Variants in F5 observed in about 807,000 individuals in gnomAD.
F5 encodes coagulation factor V.
Under a neutral mutation model 216.4 loss-of-function variants are expected in F5, and 138 were observed. The observed-to-expected ratio is 0.64, with a 90% CI of 0.56 to 0.73. The LOEUF (loss-of-function observed/expected upper bound fraction) is 0.73, where lower values mean the gene tolerates loss of function less well. Among genes scored for constraint, F5 ranks in the 30% least tolerant of loss-of-function variants. The pLI is 0.00. For synonymous variants in F5, 916 were observed against 930.7 expected (o/e 0.98, Z 0.29); for missense variants, 2,403 against 2,674.0 (o/e 0.90, Z 2.24).
rs534941640 is a variant in F5, at chr1:169,526,821, C to T, written c.5600-804G>A. On this transcript the variant is annotated intron_variant, in intron 17 of 24. Coordinates refer to ENST00000367797, the MANE Select transcript of F5 (RefSeq NM_000130.5). The stretch of plus-strand genomic sequence containing the variant: ...TTGATGAAAAGATGAGTAAATTTGA[C>T]TGAATCTCTTCTGTCTCTGATTTTA... 7.2e-5 allele frequency among the ~76,000 whole-genome samples: 11 copies of T among 151,988 alleles called. 1 individual carries two copies. The highest frequency in any genetic ancestry group is 2.0e-4 in the Admixed American group (3 of 15,256).
intron 22 of F5, 96 bp from the exon 23 acceptor site, chr1:169,518,659 C>G: frequency 1.5e-6 from 2 of 1,327,602 alleles, no homozygotes; most frequent in South Asian, 2.5e-5. Flanking sequence ...TTACTACCAA[C>G]AAATGACAAA....
intron 3 of F5, among the ~76,000 whole-genome samples, chr1:169,569,030 C>T (rs1660668876): frequency 6.6e-6 from 1 of 152,076 alleles, no homozygotes; most frequent in South Asian, 2.1e-4. Flanking sequence ...GAGCTGATTT[C>T]ATTGCACAGG....
At chr1:169,580,519 G>A (rs1277548532) in intron 2 of F5, among the ~76,000 whole-genome samples, 1 of 151,950 alleles carries the variant, frequency 6.6e-6, no homozygotes, top group Admixed American at 6.6e-5. Context: ...GAGTAGCTGG[G>A]ACTACAGGCA....
intron 5 of F5, among the ~76,000 whole-genome samples, chr1:169,557,914 G>C (rs1660370468): frequency 6.6e-6 from 1 of 152,130 alleles, no homozygotes; most frequent in Non-Finnish European, 1.5e-5. Flanking sequence ...TTATAAGGCA[G>C]AGGGTTTTTA....
At chr1:169,531,061 A>T (rs1307217855) in intron 14 of F5, 39 bp from the exon 15 acceptor site, 1 of 1,503,238 alleles carries the variant, frequency 6.7e-7, no homozygotes, top group Non-Finnish European at 9.2e-7. Flanking sequence ...CTTAAGCTTA[A>T]CAAAAATCTA....
At chr1:169,544,190 G>A (rs770056130) in intron 12 of F5, 106 bp downstream of exon 12, 14 of 878,070 alleles carry the variant, frequency 1.6e-5, no homozygotes, top group Non-Finnish European at 2.6e-5. Flanking sequence ...CAGGGGGTCA[G>A]GGAGATACAT....
At chr1:169,529,915 G>A (rs1483346471) in intron 15 of F5, 97 bp from the exon 16 acceptor site, 5 of 964,156 alleles carry the variant, frequency 5.2e-6, no homozygotes, top group Non-Finnish European at 8.2e-6. Context: ...TTTCTGATAG[G>A]CTCTGAATTT....
intron 2 of F5, among the ~76,000 whole-genome samples, chr1:169,580,575 G>A (rs1004750109): frequency 6.6e-6 from 1 of 151,910 alleles, no homozygotes; most frequent in Non-Finnish European, 1.5e-5. Flanking sequence ...GTAGAGGCGG[G>A]GTTTCACCAT....
At chr1:169,560,250 T>C (rs570858027) in intron 4 of F5, among the ~76,000 whole-genome samples, 1 of 152,306 alleles carries the variant, frequency 6.6e-6, no homozygotes, top group South Asian at 2.1e-4. Flanking sequence ...TAAAAGACTT[T>C]GGCCTTGAGG....
At chr1:169,521,925 AT>A (rs9332650) in intron 21 of F5, among the ~76,000 whole-genome samples, 26,058 of 151,724 alleles carry the variant, frequency 0.17, 3,147 homozygotes, top group East Asian at 0.67. Flanking sequence ...GGCCAAGAAG[AT>A]TTTTTTAAAA....
At chr1:169,584,010 G>A (rs1661045113) in intron 1 of F5, among the ~76,000 whole-genome samples, 1 of 152,118 alleles carries the variant, frequency 6.6e-6, no homozygotes, top group Admixed American at 6.5e-5. Context: ...AAGAATTCCA[G>A]GATTCTATAT....
intron 18 of F5, 87 bp downstream of exon 18, chr1:169,525,814 G>A (rs1659431958): frequency 3.1e-6 from 3 of 960,156 alleles, no homozygotes; most frequent in Non-Finnish European, 5.1e-6. Flanking sequence ...AGTTCTTAGA[G>A]TTGAATATTT....
Position 169,540,776 on chromosome 1 carries a change from G to A in F5, c.4314C>T (p.Leu1438=). The A allele has an allele frequency of 6.2e-7, 1 of 1,614,080 alleles. No homozygotes were observed. Among genetic ancestry groups the A allele is most frequent in the Non-Finnish European group, 8.5e-7 (1 of 1,180,006 alleles). ...SLSPDLSQVT[L]SPDISDTTLL... ...GGGTGGTGTCACTGATGTCTGGAGAGAGAGTCACCTGGCTGAGGTCTGGGG... is the reference window on the plus strand; with the variant it reads ...GGGTGGTGTCACTGATGTCTGGAGAAAGAGTCACCTGGCTGAGGTCTGGGG... The change falls in exon 13 of 25, where the codon CTC becomes CTT. Residue 1438 remains leucine, a synonymous_variant. Coordinates refer to ENST00000367797, the MANE Select transcript of F5 (RefSeq NM_000130.5).
At position 169,514,568 on chromosome 1, in the gene F5, A is replaced by T. The variant is rs1342418141; in HGVS notation, c.6529-109T>A. Reference sequence around the variant, plus strand: ...TATTCTGTTGCCCAGGCTTGAGTCCAGTGGCACAGTCATGGCTCACTGCAG... The same window carrying T: ...TATTCTGTTGCCCAGGCTTGAGTCCTGTGGCACAGTCATGGCTCACTGCAG... On this transcript the variant is annotated intron_variant, in intron 24 of 24. Transcript: ENST00000367797. 5.6e-6 allele frequency: 5 copies of T among 894,702 alleles called. No individual in the cohort carries two copies. In the African/African-American group the frequency reaches 8.4e-5, roughly 15 times the overall value. 55.4% of individuals were successfully genotyped at this position (894,702 alleles called of 1,614,324 possible).
At chr1:169,520,740 T>C (rs1475031891) in intron 21 of F5, 76 bp from the exon 22 acceptor site, 2 of 1,261,914 alleles carry the variant, frequency 1.6e-6, no homozygotes, top group Non-Finnish European at 2.3e-6. Context: ...TTGATCTAAT[T>C]TAATATTGTA....
chr1:169,529,702 G>A lies in F5; in HGVS notation c.5325C>T (p.Thr1775=), dbSNP rs1244371915. ...DMREFVLLFM[T]FDEKKSWYYE... is the part of the protein sequence containing the mutation. ...AGTACCAGCTCTTCTTTTCATCAAA[G>A]GTCATAAATAGTAAGACAAATTCTC... is the stretch of plus-strand genomic sequence containing the variant. Residue 1775 remains threonine (T), a synonymous_variant, in exon 16 of 25, where the codon ACC becomes ACT. Coordinates refer to ENST00000367797, the MANE Select transcript of F5 (RefSeq NM_000130.5). 1 of 1,613,796 alleles carries A rather than the reference G, an allele frequency of 6.2e-7. No individual in the cohort carries two copies. Among genetic ancestry groups the A allele is most frequent in the East Asian group, 2.2e-5 (1 of 44,866 alleles).
chr1:169,560,791 CA>C (rs1660461194), intron 3 of F5, 25 bp from the exon 4 acceptor site: 2 of 1,608,450 alleles, frequency 1.2e-6, no homozygotes, highest in Non-Finnish European at 1.7e-6. Flanking sequence ...GCCATCAAGA[CA>C]TGTGGGCAGT....
In F5 at chr1:169,541,048, G is replaced by A. The variant is rs1485283798; in HGVS notation, c.4042C>T (p.Leu1348Phe). 3 of 1,608,258 alleles carry A rather than the reference G, an allele frequency of 1.9e-6. No individual in the cohort carries two copies. The highest frequency in any genetic ancestry group is 1.3e-5 in the African/African-American group (1 of 74,544). Reference protein sequence around the residue: ...NLSPELSQTNLSPALGQMPLS... With the variant: ...NLSPELSQTNFSPALGQMPLS... ...GGCATCTGACCGAGGGCTGGGGAAA[G>A]GTTTGTTTGACTGAGTTCTGGAGAG... Residue 1348 changes from leucine to phenylalanine, a missense_variant, in exon 13 of 25, where the codon CTT (leucine) becomes TTT (phenylalanine). Leu to Phe is a conservative substitution (Grantham distance 22, BLOSUM62 0). Transcript: ENST00000367797.
chr1:169,541,746 G>A lies in F5; in HGVS notation c.3344C>T (p.Pro1115Leu), dbSNP rs753664335. ...SNDTGQASCP[P>L]GLYQTVPPEE... The stretch of plus-strand genomic sequence containing the variant: ...TGGGGGCACTGTCTGATAAAGACCT[G>A]GAGGACAGCTTGCCTGACCAGTGTC... The change falls in exon 13 of 25, where the codon CCA (proline) becomes CTA (leucine). Residue 1115 changes from proline to leucine, a missense_variant. Coordinates refer to ENST00000367797, the MANE Select transcript of F5 (RefSeq NM_000130.5). 1.9e-6 allele frequency: 3 copies of A among 1,614,036 alleles called. No individual in the cohort carries two copies. Among genetic ancestry groups the A allele is most frequent in the Non-Finnish European group, 2.5e-6 (3 of 1,179,986 alleles).
Sources: gnomAD v4.1 joint callset for allele counts (sites outside exome capture counted in the v4.1 genomes callset) on GRCh38, gnomAD v4.1.1 for gene constraint, MANE v1.5 for transcripts, NCBI Gene and HGNC (gene_info 2026-07-23, HGNC 2026-07-21) for gene names.